TMEM45A: variants seen among roughly 807,000 people sequenced by gnomAD.
TMEM45A encodes the protein DNA polymerase-transactivated protein 4.
In TMEM45A, 25 loss-of-function variants were observed where a neutral mutation model predicts 32.0. The ratio of observed to expected loss-of-function variants is 0.78; its 90% confidence interval spans 0.57 to 1.09. The LOEUF is 1.09. TMEM45A is among the 50% of genes least tolerant of loss of function. TMEM45A has a pLI of 0.00. For synonymous variants in TMEM45A, 122 were observed against 114.8 expected, an observed-to-expected ratio of 1.06 and a Z score of -0.40; for missense variants, 302 against 325.0, an observed-to-expected ratio of 0.93 and a Z score of 0.54.
intron 1 of TMEM45A, among the ~76,000 whole-genome samples, chr3:100,549,814 C>G (rs12629511): frequency 6.7e-6 from 1 of 150,340 alleles, no homozygotes; most frequent in African/African-American, 2.5e-5. Flanking sequence ...TGAGAATATG[C>G]GGTGTTTGGT....
chr3:100,572,558 C>G (rs1046471674), intron 5 of TMEM45A: 2 of 151,804 alleles, frequency 1.3e-5, no homozygotes, highest in South Asian at 2.1e-4. Context: ...GTTGCCTGTT[C>G]ACTCTCATGG....
intron 1 of TMEM45A, among the ~76,000 whole-genome samples, chr3:100,543,986 A>G (rs1342900590): frequency 1.3e-5 from 2 of 152,218 alleles, no homozygotes; most frequent in African/African-American, 4.8e-5. Context: ...TAAAGGAGTT[A>G]AGATGAAGAG....
At chr3:100,555,443 T>G in intron 2 of TMEM45A, 42 bp downstream of exon 2, 1 of 1,521,194 alleles carries the variant, frequency 6.6e-7, no homozygotes, top group Non-Finnish European at 8.9e-7. Flanking sequence ...CTTTTAGGTG[T>G]TTTCATTCTT....
intron 1 of TMEM45A, among the ~76,000 whole-genome samples, chr3:100,531,025 G>A (rs1705636933): frequency 6.6e-6 from 1 of 151,842 alleles, no homozygotes; most frequent in South Asian, 2.1e-4. Context: ...AAAATACATT[G>A]GGTGTATCTT....
At chr3:100,552,133 G>A (rs1706118819) in intron 1 of TMEM45A, among the ~76,000 whole-genome samples, 1 of 152,056 alleles carries the variant, frequency 6.6e-6, no homozygotes, top group African/African-American at 2.4e-5. Context: ...TATTTATTAG[G>A]TAATTCTAAA....
At chr3:100,566,566 T>C (rs1706444460) in intron 4 of TMEM45A, among the ~76,000 whole-genome samples, 1 of 152,200 alleles carries the variant, frequency 6.6e-6, no homozygotes, top group Admixed American at 6.5e-5. Context: ...TTTTCATGTA[T>C]TATTATCTTC....
chr3:100,562,114 T>C (rs1706347948), intron 4 of TMEM45A, among the ~76,000 whole-genome samples: 1 of 152,184 alleles, frequency 6.6e-6, no homozygotes, highest in Admixed American at 6.5e-5. Context: ...AAGATAATTA[T>C]TTAAATTTGA....
intron 1 of TMEM45A, among the ~76,000 whole-genome samples, chr3:100,541,368 T>C (rs1389981153): frequency 2.0e-5 from 3 of 152,140 alleles, no homozygotes; most frequent in Non-Finnish European, 4.4e-5. Context: ...TTGTCGCAAT[T>C]GTTTTTGGGG....
At chr3:100,526,122 G>T (rs1337090802) in intron 1 of TMEM45A, among the ~76,000 whole-genome samples, 1 of 152,180 alleles carries the variant, frequency 6.6e-6, no homozygotes, top group East Asian at 1.9e-4. Flanking sequence ...GTGTGACGCT[G>T]CCAAATTAAT....
intron 4 of TMEM45A, 72 bp from the exon 5 acceptor site, chr3:100,568,750 G>A: frequency 1.4e-6 from 2 of 1,402,646 alleles, no homozygotes; most frequent in Non-Finnish European, 2.0e-6. Flanking sequence ...TCGGAAGCAA[G>A]TATTTTGAAA....
At position 100,510,749 on chromosome 3, in the gene TMEM45A, T is replaced by C. The variant is rs879297329; in HGVS notation, c.-4+17821T>C. Among the ~76,000 whole-genome samples the C allele has an allele frequency of 1.4e-4, 22 of 152,172 alleles. No individual in the cohort carries two copies. The East Asian group carries it at 1.5e-3, about 11-fold the overall frequency. On this transcript the variant is annotated intron_variant, in intron 1 of 5. Transcript: ENST00000323523. ...AAAAAAATTTAGAAGAATGTATAAC[T>C]AGAATAACCAATACAGAGAAGTGCT...
chr3:100,564,458 G>A (rs897485632), intron 4 of TMEM45A, among the ~76,000 whole-genome samples: 1 of 151,232 alleles, frequency 6.6e-6, no homozygotes, highest in Non-Finnish European at 1.5e-5. Context: ...GGCAACTAAA[G>A]CAAATTATTA....
intron 1 of TMEM45A, among the ~76,000 whole-genome samples, chr3:100,539,485 G>A (rs1433431670): frequency 7.4e-6 from 1 of 136,038 alleles, no homozygotes; most frequent in Non-Finnish European, 1.5e-5. Flanking sequence ...ATATGTATAT[G>A]TATATGTATA....
chr3:100,542,723 A>G (rs1447689376), intron 1 of TMEM45A, among the ~76,000 whole-genome samples: 2 of 152,196 alleles, frequency 1.3e-5, no homozygotes, highest in Non-Finnish European at 2.9e-5. Context: ...AATGAAAATC[A>G]TGTTCTTTGC....
rs1407524753 is a variant in TMEM45A at position 100,505,684 on chromosome 3, C to T, written c.-4+12756C>T. 5.9e-5 allele frequency among the ~76,000 whole-genome samples: 9 copies of T among 152,166 alleles called. No homozygotes were observed. In the East Asian group the frequency reaches 1.7e-3, roughly 29 times the overall value. ...TTCTGCCCAAGATGGAGTAACAGGG[C>T]CAGATTTACCCTTTTGCCTGACACA... is the stretch of plus-strand genomic sequence containing the variant. On this transcript the variant is annotated intron_variant, in intron 1 of 5. Transcript: ENST00000323523.
intron 4 of TMEM45A, among the ~76,000 whole-genome samples, chr3:100,561,876 G>C (rs546717888): frequency 8.5e-5 from 13 of 152,282 alleles, no homozygotes; most frequent in Admixed American, 2.6e-4. Context: ...CAGATCCTGA[G>C]CCCAAACGAA....
intron 1 of TMEM45A, among the ~76,000 whole-genome samples, chr3:100,532,753 C>T (rs1705668723): frequency 6.6e-6 from 1 of 152,142 alleles, no homozygotes; most frequent in Non-Finnish European, 1.5e-5. Context: ...ATTAAGATCC[C>T]AGCTTTGCCA....
At chr3:100,543,180 CA>C (rs1705920745) in intron 1 of TMEM45A, among the ~76,000 whole-genome samples, 2 of 152,078 alleles carry the variant, frequency 1.3e-5, no homozygotes, top group African/African-American at 4.8e-5. Context: ...TTCTTTTATT[CA>C]AAAATCTTTT....
intron 1 of TMEM45A, among the ~76,000 whole-genome samples, chr3:100,498,516 A>G (rs1438409295): frequency 6.6e-6 from 1 of 152,114 alleles, no homozygotes; most frequent in Non-Finnish European, 1.5e-5. Context: ...TAGGTTTTGG[A>G]CTTGCTAGCC....
Sources: gnomAD v4.1 joint callset for allele counts (sites outside exome capture counted in the v4.1 genomes callset) on GRCh38, gnomAD v4.1.1 for gene constraint, MANE v1.5 for transcripts, NCBI Gene and HGNC (gene_info 2026-07-23, HGNC 2026-07-21) for gene names.